Variants in CYBRD1 observed in about 807,000 individuals in gnomAD.
The protein encoded by CYBRD1 is cytochrome b reductase 1, also known as plasma membrane ascorbate-dependent reductase CYBRD1.
A neutral mutation model predicts 21.9 loss-of-function variants in CYBRD1; 14 were observed. That is an observed-to-expected ratio of 0.64 (90% CI 0.42 to 1.00). The LOEUF (loss-of-function observed/expected upper bound fraction) is 1.00. CYBRD1 is among the 50% of genes least tolerant of loss of function. CYBRD1 has a pLI of 0.00. For synonymous variants in CYBRD1, 146 were observed against 136.5 expected, an observed-to-expected ratio of 1.07 and a Z score of -0.48; for missense variants, 328 against 352.5, an observed-to-expected ratio of 0.93 and a Z score of 0.56.
intron 2 of CYBRD1, among the ~76,000 whole-genome samples, chr2:171,546,804 G>A (rs1340911253): frequency 2.6e-5 from 4 of 152,216 alleles, no homozygotes; most frequent in Admixed American, 6.5e-5. Context: ...TAGAAAGGGC[G>A]GAGAGTCTTC....
chr2:171,544,038 C>G (rs1697675182), intron 2 of CYBRD1, among the ~76,000 whole-genome samples: 1 of 152,176 alleles, frequency 6.6e-6, no homozygotes, highest in African/African-American at 2.4e-5. Context: ...ATATTCCTGC[C>G]AGAAGTTTAT....
At chr2:171,533,209 A>T (rs1417535147) in intron 1 of CYBRD1, among the ~76,000 whole-genome samples, 1 of 152,098 alleles carries the variant, frequency 6.6e-6, no homozygotes, top group Non-Finnish European at 1.5e-5. Context: ...TCTACTAAAA[A>T]TACAAAAATT....
intron 2 of CYBRD1, among the ~76,000 whole-genome samples, chr2:171,542,854 C>T (rs1697655577): frequency 6.6e-6 from 1 of 152,060 alleles, no homozygotes; most frequent in African/African-American, 2.4e-5. Context: ...GCACTCCAGC[C>T]TGGGCAACAG....
chr2:171,549,301 C>T (rs1217487490), intron 2 of CYBRD1, among the ~76,000 whole-genome samples: 2 of 152,286 alleles, frequency 1.3e-5, no homozygotes, highest in African/African-American at 4.8e-5. Context: ...CCAGGCTGGT[C>T]TCAAATTCCT....
At chr2:171,534,270 C>T (rs1001068499) in intron 1 of CYBRD1, among the ~76,000 whole-genome samples, 3 of 152,192 alleles carry the variant, frequency 2.0e-5, no homozygotes, top group Non-Finnish European at 4.4e-5. Context: ...TTGTTTCCGT[C>T]ACAAGTAGCT....
At chr2:171,548,575 G>A (rs751736947) in intron 2 of CYBRD1, among the ~76,000 whole-genome samples, 1 of 149,144 alleles carries the variant, frequency 6.7e-6, no homozygotes, top group Non-Finnish European at 1.5e-5. Flanking sequence ...AAAGATGAAG[G>A]AGAGCTGGGA....
chr2:171,524,363 C>A (rs6730957), intron 1 of CYBRD1, among the ~76,000 whole-genome samples: 56,074 of 152,030 alleles, frequency 0.37, 10,496 homozygotes, highest in South Asian at 0.42. Context: ...AGTTTGGCCC[C>A]GAGCTGTCTA....
rs1361170382 is a variant in CYBRD1, at chr2:171,545,263, C to A, written c.402+3470C>A. ...AATATTTTACCATTGAGTACAGATG[C>A]GTCACATTTCCTCCTACCCCTGTTT... On this transcript the variant is annotated intron_variant, in intron 2 of 3. Transcript: ENST00000321348. Among the ~76,000 whole-genome samples the A allele has an allele frequency of 3.3e-5, 5 of 152,004 alleles. No homozygotes were observed. The South Asian group carries it at 1.0e-3, about 32-fold the overall frequency.
At chr2:171,523,493 T>A (rs1366966310) in intron 1 of CYBRD1, among the ~76,000 whole-genome samples, 1 of 152,172 alleles carries the variant, frequency 6.6e-6, no homozygotes, top group Non-Finnish European at 1.5e-5. Flanking sequence ...GTGGCGAAAG[T>A]TCCCCCGCGG....
chr2:171,546,438 G>A (rs184829956), intron 2 of CYBRD1, among the ~76,000 whole-genome samples: 1 of 152,122 alleles, frequency 6.6e-6, no homozygotes, highest in Non-Finnish European at 1.5e-5. Context: ...ACCTGCAGAT[G>A]ACATTTTCCA....
At chr2:171,525,500 A>T (rs1224226125) in intron 1 of CYBRD1, among the ~76,000 whole-genome samples, 1 of 152,174 alleles carries the variant, frequency 6.6e-6, no homozygotes, top group Non-Finnish European at 1.5e-5. Flanking sequence ...GGGGAGTAAT[A>T]AATAAACTTT....
At position 171,554,975 on chromosome 2, in the gene CYBRD1, G is replaced by C; in HGVS notation, c.*148G>C. 1.2e-6 allele frequency: 1 copy of C among 854,264 alleles called. No individual in the cohort carries two copies. The highest frequency in any genetic ancestry group is 1.9e-6 in the Non-Finnish European group (1 of 538,126). 52.9% of individuals were successfully genotyped at this position (854,264 alleles called of 1,614,324 possible). ...ATGGTTTCTTGAAATAATTTGTATT[G>C]ATTGAGGCCTATGAACTGACCTGAA... On this transcript the variant is annotated 3_prime_UTR_variant, in exon 4 of 4. Coordinates refer to ENST00000321348, the MANE Select transcript of CYBRD1 (RefSeq NM_024843.4).
intron 2 of CYBRD1, among the ~76,000 whole-genome samples, chr2:171,547,176 G>C (rs529594315): frequency 1.3e-5 from 2 of 152,226 alleles, no homozygotes; most frequent in Admixed American, 6.5e-5. Context: ...GGCTGGAGGA[G>C]TGTTAGATGC....
At chr2:171,536,098 T>TA (rs1414567683) in intron 1 of CYBRD1, among the ~76,000 whole-genome samples, 1 of 150,140 alleles carries the variant, frequency 6.7e-6, no homozygotes, top group Non-Finnish European at 1.5e-5. Context: ...GCAACCCTTG[T>TA]AACTCCTTTG....
rs12475526 is a variant in CYBRD1 at position 171,541,027 on chromosome 2, G to T, written c.194-558G>T. ...TGATACCCCGCCTCAGCCTCTCAAA[G>T]TGCTGGGATTACAGGCATGAGCCAC... is the stretch of plus-strand genomic sequence containing the variant. On this transcript the variant is annotated intron_variant, in intron 1 of 3. Coordinates refer to ENST00000321348, the MANE Select transcript of CYBRD1 (RefSeq NM_024843.4). 0.052 allele frequency: 8,595 copies of T among 165,260 alleles called. 973 individuals carry two copies. In the East Asian group the frequency reaches 0.53, roughly 10 times the overall value. 10.2% of individuals were successfully genotyped at this position (165,260 alleles called of 1,614,324 possible). A position where few individuals can be genotyped will look rare whatever the true frequency, so the allele number is the denominator to read the frequency against.
At chr2:171,524,830 A>T (rs58126733) in intron 1 of CYBRD1, among the ~76,000 whole-genome samples, 56,097 of 152,134 alleles carry the variant, frequency 0.37, 10,497 homozygotes, top group South Asian at 0.42. Flanking sequence ...AAAGGTTTTT[A>T]AATTTCTCTA....
At chr2:171,523,371 A>G in intron 1 of CYBRD1, 1 of 309,816 alleles carries the variant, frequency 3.2e-6, no homozygotes, top group Non-Finnish European at 6.6e-6. Context: ...CTCTCCTCCT[A>G]GAGTGTTAAA....
At chr2:171,543,382 C>T (rs1197548999) in intron 2 of CYBRD1, among the ~76,000 whole-genome samples, 1 of 152,186 alleles carries the variant, frequency 6.6e-6, no homozygotes, top group Non-Finnish European at 1.5e-5. Flanking sequence ...GGAGTCCTCT[C>T]TTCCTTGTAC....
intron 3 of CYBRD1, among the ~76,000 whole-genome samples, chr2:171,554,285 A>C (rs1046050052): frequency 2.0e-5 from 3 of 152,118 alleles, no homozygotes; most frequent in Admixed American, 6.5e-5. Flanking sequence ...TCCAGACCCT[A>C]CCTGCCTTAA....
Sources: gnomAD v4.1 joint callset for allele counts (sites outside exome capture counted in the v4.1 genomes callset) on GRCh38, gnomAD v4.1.1 for gene constraint, MANE v1.5 for transcripts, NCBI Gene and HGNC (gene_info 2026-07-23, HGNC 2026-07-21) for gene names.